AVEN: variants seen among roughly 807,000 people sequenced by gnomAD.
AVEN encodes apoptosis and caspase activation inhibitor.
Under a neutral mutation model 38.1 loss-of-function variants are expected in AVEN, and 41 were observed. The observed-to-expected ratio is 1.08, with a 90% CI of 0.84 to 1.40. The LOEUF is 1.40. Ranked by LOEUF, AVEN falls within the 40% of genes most tolerant of loss-of-function variation. The pLI, the probability that AVEN is intolerant of heterozygous loss-of-function variation, is 0.00. For synonymous variants in AVEN, 206 were observed against 171.8 expected, an observed-to-expected ratio of 1.20 and a Z score of -1.56; for missense variants, 605 against 438.8, an observed-to-expected ratio of 1.38 and a Z score of -3.38.
chr15:33,855,940 A>T (rs1260225661), downstream of AVEN: 2 of 152,192 alleles, frequency 1.3e-5, no homozygotes, highest in African/African-American at 2.4e-5. Context: ...TATGACAGAC[A>T]GGCTTCCTCA....
chr15:33,991,636 G>A (rs907833700), intron 2 of AVEN: 4 of 152,100 alleles, frequency 2.6e-5, no homozygotes, highest in Admixed American at 6.5e-5. Context: ...CTCAAATCAT[G>A]GGGAAATAAA....
chr15:33,903,932 G>A (rs994074988), intron 2 of AVEN, among the ~76,000 whole-genome samples: 9 of 152,176 alleles, frequency 5.9e-5, no homozygotes, highest in Non-Finnish European at 1.3e-4. Flanking sequence ...AGCCTGTTCA[G>A]CATGTTACTG....
chr15:33,981,416 G>A (rs1007962571), intron 2 of AVEN, among the ~76,000 whole-genome samples: 15 of 126,050 alleles, frequency 1.2e-4, no homozygotes, highest in Admixed American at 1.9e-4. Context: ...GTCATGACCA[G>A]ATCAAAAGGC....
At chr15:34,064,476 G>T in intron 4 of AVEN, 1 of 806,824 alleles carries the variant, frequency 1.2e-6, no homozygotes, top group South Asian at 1.9e-5. Flanking sequence ...AATGGAAGGG[G>T]CCATAGCTGC....
chr15:33,988,331 C>A (rs1800219612), intron 2 of AVEN, among the ~76,000 whole-genome samples: 1 of 152,274 alleles, frequency 6.6e-6, no homozygotes, highest in Middle Eastern at 3.4e-3. Context: ...GCCAGGCATA[C>A]TTAAGTTTGA....
chr15:33,921,860 G>A (rs1893406655), intron 2 of AVEN, among the ~76,000 whole-genome samples: 1 of 152,126 alleles, frequency 6.6e-6, no homozygotes, highest in Non-Finnish European at 1.5e-5. Flanking sequence ...TCTCTGCTCA[G>A]GCTGGAGGGA....
At chr15:33,996,373 C>A (rs1896933814) in intron 2 of AVEN, among the ~76,000 whole-genome samples, 1 of 149,934 alleles carries the variant, frequency 6.7e-6, no homozygotes, top group Non-Finnish European at 1.5e-5. Context: ...GACAGACTGC[C>A]TCCTCAAGTG....
At chr15:34,028,574 C>T (rs1898608076) in intron 1 of AVEN, among the ~76,000 whole-genome samples, 1 of 152,094 alleles carries the variant, frequency 6.6e-6, no homozygotes, top group Non-Finnish European at 1.5e-5. Flanking sequence ...TTAAAACAAA[C>T]AACAACAACA....
At chr15:34,015,708 A>G (rs1897870874) in intron 1 of AVEN, among the ~76,000 whole-genome samples, 1 of 152,192 alleles carries the variant, frequency 6.6e-6, no homozygotes, top group Non-Finnish European at 1.5e-5. Flanking sequence ...TAACAGACAA[A>G]AAGGTAAACC....
chr15:34,027,366 A>C (rs185788147), intron 1 of AVEN, among the ~76,000 whole-genome samples: 5 of 152,064 alleles, frequency 3.3e-5, no homozygotes, highest in Admixed American at 3.3e-4. Flanking sequence ...AATACAAAAA[A>C]TAAAAATAAA....
At chr15:33,851,944 G>T in the AVEN span, 103 of 151,908 alleles carry the variant, frequency 6.8e-4, no homozygotes, top group Non-Finnish European at 1.1e-3. Context: ...TGTAACACCA[G>T]CATTTGTTTT....
intron 2 of AVEN, among the ~76,000 whole-genome samples, chr15:33,900,395 C>T (rs1431517457): frequency 2.0e-5 from 3 of 151,550 alleles, no homozygotes; most frequent in African/African-American, 7.3e-5. Flanking sequence ...GCAGCCTCAA[C>T]CTCCCAGGCT....
At chr15:33,893,460 G>A (rs1892077662) in intron 2 of AVEN, among the ~76,000 whole-genome samples, 1 of 152,158 alleles carries the variant, frequency 6.6e-6, no homozygotes, top group Non-Finnish European at 1.5e-5. Context: ...TGTAATCCCT[G>A]CTACCTGTGA....
chr15:33,909,983 C>T (rs569249587), intron 2 of AVEN, among the ~76,000 whole-genome samples: 105 of 151,890 alleles, frequency 6.9e-4, no homozygotes, highest in Non-Finnish European at 1.4e-3. Context: ...AAAAAATTAG[C>T]TGGGCTTGGT....
Position 34,047,616 on chromosome 15 carries a change from C to CTAT in AVEN, n.1637+15305_1637+15306insATA, listed in dbSNP as rs1491564171. Among the ~76,000 whole-genome samples, 371 of 152,266 alleles carry CTAT rather than the reference C, an allele frequency of 2.4e-3. 1 individual carries two copies. Among genetic ancestry groups the CTAT allele is most frequent in the Admixed American group, 4.4e-3 (68 of 15,304 alleles). Reference sequence around the variant, plus strand: ...GCTCCCAGCGGGAGGATGACTGTTACCTCTGTGGTTCAGTTGACTCAGCCA... The same window carrying CTAT: ...GCTCCCAGCGGGAGGATGACTGTTACTATCTCTGTGGTTCAGTTGACTCAGCCA... On this transcript the variant is annotated intron_variant and non_coding_transcript_variant, in intron 5 of 11. Coordinates refer to the AVEN transcript ENST00000675287.
At chr15:34,023,017 T>G (rs1898276856) in intron 1 of AVEN, among the ~76,000 whole-genome samples, 1 of 152,048 alleles carries the variant, frequency 6.6e-6, no homozygotes, top group South Asian at 2.1e-4. Flanking sequence ...GAAACCCCCA[T>G]CTCTACTAAA....
downstream of AVEN, chr15:33,858,088 C>T: frequency 3.5e-6 from 3 of 860,698 alleles, no homozygotes; most frequent in Non-Finnish European, 5.2e-6. Flanking sequence ...GGAGAGTGTC[C>T]TGGGAAGACA....
chr15:33,914,456 T>C (rs1448028809), intron 2 of AVEN, among the ~76,000 whole-genome samples: 1 of 151,832 alleles, frequency 6.6e-6, no homozygotes, highest in East Asian at 1.9e-4. Flanking sequence ...GTATAGCAAT[T>C]TGGAGAAAGA....
At chr15:33,961,609 C>T (rs183881483) in intron 2 of AVEN, among the ~76,000 whole-genome samples, 2,697 of 151,434 alleles carry the variant, frequency 0.018, 42 homozygotes, top group Admixed American at 0.033. Context: ...GTCAGGAGAT[C>T]GAGACCATTC....
Sources: gnomAD v4.1 joint callset for allele counts (sites outside exome capture counted in the v4.1 genomes callset) on GRCh38, gnomAD v4.1.1 for gene constraint, MANE v1.5 for transcripts, NCBI Gene and HGNC (gene_info 2026-07-23, HGNC 2026-07-21) for gene names.